Variants in PCBP2 observed in about 807,000 individuals in gnomAD.
The protein encoded by PCBP2 is poly(rC) binding protein 2.
PCBP2 carries 4 observed loss-of-function variants against 50.1 expected under a neutral mutation model. The observed-to-expected ratio is 0.08, with a 90% CI of 0.04 to 0.18. PCBP2 has a LOEUF of 0.18. Among genes scored for constraint, PCBP2 ranks in the 10% least tolerant of loss-of-function variants. The pLI is 1.00. For synonymous variants in PCBP2, 179 were observed against 168.0 expected, an observed-to-expected ratio of 1.07 and a Z score of -0.51; for missense variants, 161 against 474.3, an observed-to-expected ratio of 0.34 and a Z score of 6.14.
At position 53,471,655 on chromosome 12, in the gene PCBP2, C is replaced by T. The variant is rs139762195; in HGVS notation, c.900C>T (p.Ile300=). 1.1e-5 allele frequency: 17 copies of T among 1,612,116 alleles called. No individual in the cohort carries two copies. The African/African-American group carries it at 1.5e-4, about 14-fold the overall frequency. Residue 300 remains isoleucine, a synonymous_variant, in exon 14 of 15, where the codon ATC becomes ATT. Transcript: ENST00000546463. ...TIPNDLIGCI[I]GRQGAKINEI... The stretch of plus-strand genomic sequence containing the variant: ...CCCTTAAGTTGATTGGCTGCATAAT[C>T]GGGCGTCAAGGCGCCAAAATCAATG...
At chr12:53,465,822 C>T in intron 9 of PCBP2, 110 bp from the exon 10 acceptor site, 2 of 811,932 alleles carry the variant, frequency 2.5e-6, no homozygotes, top group South Asian at 1.5e-5. Context: ...TGGCCTCCCC[C>T]ATTCTCTAGT....
intron 12 of PCBP2, 46 bp downstream of exon 12, chr12:53,467,889 T>A (rs1168251408): frequency 7.3e-7 from 1 of 1,371,938 alleles, no homozygotes; most frequent in Non-Finnish European, 1.0e-6. Flanking sequence ...ACTGTTATAT[T>A]AATAAACTGG....
chr12:53,470,839 G>A (rs906961482), intron 13 of PCBP2, among the ~76,000 whole-genome samples: 1 of 151,774 alleles, frequency 6.6e-6, no homozygotes, highest in African/African-American at 2.4e-5. Context: ...TAGGAGGGTG[G>A]TAATCATGGC....
chr12:53,459,159 A>T, intron 5 of PCBP2, 113 bp from the exon 6 acceptor site: 1 of 811,834 alleles, frequency 1.2e-6, no homozygotes, highest in Non-Finnish European at 1.8e-6. Context: ...ATGGTGGATT[A>T]TGACCTCGCA....
At chr12:53,464,544 T>G in intron 8 of PCBP2, 1 of 537,858 alleles carries the variant, frequency 1.9e-6, no homozygotes, top group Non-Finnish European at 3.1e-6. Context: ...CACCCCTTCA[T>G]TCTTATTGAA....
chr12:53,476,608 A>G (rs754973626), intron 14 of PCBP2, among the ~76,000 whole-genome samples: 2 of 151,936 alleles, frequency 1.3e-5, no homozygotes, highest in Non-Finnish European at 2.9e-5. Flanking sequence ...CAGTGTAGAG[A>G]TAGTTTCCCT....
chr12:53,454,597 T>C (rs1289748737), intron 1 of PCBP2, 129 bp from the exon 2 acceptor site: 5 of 580,764 alleles, frequency 8.6e-6, no homozygotes, highest in Non-Finnish European at 1.6e-5. Flanking sequence ...GCTTGGTGTG[T>C]ATATAAGTCT....
At position 53,459,376 on chromosome 12, in the gene PCBP2, T is replaced by C. The variant is rs774761911; in HGVS notation, c.348T>C (p.Gly116=). ...ASQCGSLIGK[G]GCKIKEIRES... is the part of the protein sequence containing the mutation. ...AGTGTGGCTCTCTCATTGGAAAAGGTGGATGCAAGATCAAGGAAATACGAG... is the reference window on the plus strand; with the variant it reads ...AGTGTGGCTCTCTCATTGGAAAAGGCGGATGCAAGATCAAGGAAATACGAG... The change falls in exon 6 of 15, where the codon GGT becomes GGC. Residue 116 remains glycine, a synonymous_variant. Transcript: ENST00000546463. The C allele has an allele frequency of 2.5e-6, 4 of 1,613,046 alleles. No individual in the cohort carries two copies. The highest frequency in any genetic ancestry group is 3.4e-6 in the Non-Finnish European group (4 of 1,179,368).
At chr12:53,457,190 G>A (rs1301862486) in intron 5 of PCBP2, among the ~76,000 whole-genome samples, 1 of 151,980 alleles carries the variant, frequency 6.6e-6, no homozygotes, top group East Asian at 1.9e-4. Context: ...GGGGCTACAG[G>A]TGCATGCCAC....
chr12:53,459,012 A>G (rs1173514071), intron 5 of PCBP2, among the ~76,000 whole-genome samples: 1 of 152,236 alleles, frequency 6.6e-6, no homozygotes, highest in South Asian at 2.1e-4. Flanking sequence ...ACAGATTATT[A>G]CTTTTATCCT....
rs184580478 is a variant in PCBP2, at chr12:53,455,617, G to A, written c.126+124G>A. On this transcript the variant is annotated intron_variant, in intron 4 of 14. Transcript: ENST00000546463. ...GAAATATGTATTTTTTTTCGGCTTG[G>A]TTATTTGTAGTGATAATCTGGGGAG... The A allele has an allele frequency of 1.6e-4, 161 of 997,642 alleles. No homozygotes were observed. The East Asian group carries it at 3.9e-3, about 24-fold the overall frequency. 61.8% of individuals were successfully genotyped at this position (997,642 alleles called of 1,614,324 possible).
At position 53,471,661 on chromosome 12, in the gene PCBP2, T is replaced by C; in HGVS notation, c.906T>C (p.Arg302=). 1 of 1,613,210 alleles carries C rather than the reference T, an allele frequency of 6.2e-7. No individual in the cohort carries two copies. The highest frequency in any genetic ancestry group is 8.5e-7 in the Non-Finnish European group (1 of 1,179,662). Residue 302 remains arginine (R), a synonymous_variant, in exon 14 of 15, where the codon CGT becomes CGC. Coordinates refer to ENST00000546463, the MANE Select transcript of PCBP2 (RefSeq NM_031989.5). ...PNDLIGCIIG[R]QGAKINEIRQ... ...AGTTGATTGGCTGCATAATCGGGCG[T>C]CAAGGCGCCAAAATCAATGAGATCC...
chr12:53,471,542 G>A (rs1228112070), intron 13 of PCBP2, 96 bp from the exon 14 acceptor site: 4 of 1,214,650 alleles, frequency 3.3e-6, no homozygotes, highest in Middle Eastern at 2.8e-4. Context: ...ACTCCAGCCT[G>A]GCCACAGTCG....
chr12:53,464,448 C>A (rs1449428414), intron 8 of PCBP2: 2 of 313,968 alleles, frequency 6.4e-6, no homozygotes, highest in Non-Finnish European at 5.9e-6. Context: ...GGACCTGTGT[C>A]TTTTGTTCCT....
rs1565851918 is a variant in PCBP2 at position 53,452,185 on chromosome 12, TCCGCCGCCCTCCAC to T, written c.-261_-248del. 3.0e-5 allele frequency: 1 copy of T among 33,422 alleles called. No individual in the cohort carries two copies. Among genetic ancestry groups the T allele is most frequent in the Non-Finnish European group, 5.9e-5 (1 of 16,880 alleles). The allele number at this position is 33,422 out of a possible 1,614,324, so 2.1% of individuals were successfully genotyped here. ...CCGCCCTCCGCCCGCCCGCCCGCCC[TCCGCCGCCCTCCAC>T]CCGCCCCGGGGTCTCTTTCCCCCTT... is the stretch of plus-strand genomic sequence containing the variant. On this transcript the variant is annotated 5_prime_UTR_variant, in exon 1 of 15. Coordinates refer to ENST00000546463, the MANE Select transcript of PCBP2 (RefSeq NM_031989.5).
intron 2 of PCBP2, 74 bp downstream of exon 2, chr12:53,454,943 G>C: frequency 8.1e-7 from 1 of 1,241,304 alleles, no homozygotes; most frequent in South Asian, 1.2e-5. Context: ...CATGCATCTT[G>C]GAGCTCATCA....
intron 13 of PCBP2, among the ~76,000 whole-genome samples, chr12:53,469,784 C>T (rs1411556836): frequency 7.6e-5 from 8 of 105,930 alleles, no homozygotes; most frequent in East Asian, 2.4e-4. Flanking sequence ...TTTTTTGAGA[C>T]GGCATCTTGC....
chr12:53,465,663 TAAG>T, intron 9 of PCBP2, among the ~76,000 whole-genome samples: 1 of 152,286 alleles, frequency 6.6e-6, no homozygotes, highest in Non-Finnish European at 1.5e-5. Context: ...ACATTTTCAT[TAAG>T]AAACAGTTAT....
At chr12:53,455,777 C>CTTTGAA in intron 4 of PCBP2, 108 bp from the exon 5 acceptor site, 2 of 790,386 alleles carry the variant, frequency 2.5e-6, no homozygotes, top group Non-Finnish European at 4.3e-6. Context: ...GCTGACTTTG[C>CTTTGAA]TTTGCATCAG....
Sources: gnomAD v4.1 joint callset for allele counts (sites outside exome capture counted in the v4.1 genomes callset) on GRCh38, gnomAD v4.1.1 for gene constraint, MANE v1.5 for transcripts, NCBI Gene and HGNC (gene_info 2026-07-23, HGNC 2026-07-21) for gene names.